THBS3: variants seen among roughly 807,000 people sequenced by gnomAD.
THBS3 encodes the protein thrombospondin 3, also known as thrombospondin-3.
In THBS3, 78 loss-of-function variants were observed where a neutral mutation model predicts 118.3. The ratio of observed to expected loss-of-function variants is 0.66; its 90% CI spans 0.55 to 0.80. The LOEUF (loss-of-function observed/expected upper bound fraction) is 0.80, where lower values mean the gene tolerates loss of function less well. THBS3 is among the 30% of genes least tolerant of loss of function. The pLI is 0.00. For synonymous variants in THBS3, 427 were observed against 475.3 expected, an observed-to-expected ratio of 0.90 and a Z score of 1.32; for missense variants, 1,057 against 1,247.4, an observed-to-expected ratio of 0.85 and a Z score of 2.30.
chr1:155,204,734 A>C (rs1041102311), intron 4 of THBS3, 121 bp downstream of exon 4: 20 of 907,828 alleles, frequency 2.2e-5, no homozygotes, highest in Non-Finnish European at 3.6e-5. Flanking sequence ...CAGGGTTAGA[A>C]ACCCTAGGAA....
At position 155,203,120 on chromosome 1, in the gene THBS3, CAG is replaced by C; in HGVS notation, c.772_773del (p.Leu258AspfsTer15). 1 of 1,614,230 alleles carries C rather than the reference CAG, an allele frequency of 6.2e-7. No homozygotes were observed. The highest frequency in any genetic ancestry group is 8.5e-7 in the Non-Finnish European group (1 of 1,180,044). ...GACACTCCATAATGGTGTTTCGGAT[CAG>C]GGACATTTCCTTCACCTGGAGAAGG... ...DIRDQVKEMSLIRNTIMECQV... is the reference protein window; with the variant it reads ...DIRDQVKEMSXIRNTIMECQV... On this transcript the variant is annotated frameshift_variant, in exon 7 of 23. Coordinates refer to ENST00000368378, the MANE Select transcript of THBS3 (RefSeq NM_007112.5). LOFTEE classifies it high-confidence loss of function.
chr1:155,202,581 A>T lies in THBS3; in HGVS notation c.958-180T>A, dbSNP rs571948542. ...GGTTCCCTCTCTCCCTCCCCATGCC[A>T]CTGGTCACCATCTCAAGCCTCCCCT... On this transcript the variant is annotated intron_variant, in intron 8 of 22. Coordinates refer to ENST00000368378, the MANE Select transcript of THBS3 (RefSeq NM_007112.5). The surrounding 1 kb of genome is among the most constrained non-coding windows in gnomAD (Gnocchi z 5.5). 6.6e-6 allele frequency among the ~76,000 whole-genome samples: 1 copy of T among 151,778 alleles called. No individual in the cohort carries two copies. Among genetic ancestry groups the T allele is most frequent in the East Asian group, 1.9e-4 (1 of 5,144 alleles).
chr1:155,203,536 G>C lies in THBS3; in HGVS notation c.650C>G (p.Thr217Ser). The change falls in exon 5 of 23, where the codon ACC becomes AGC. Residue 217 changes from threonine to serine, a missense_variant. By Grantham distance (58) the Thr-to-Ser change is moderately conservative. Around this residue, in one of 3 missense-constraint regions of THBS3, gnomAD observed 544 missense variants for 715.6 expected, o/e 0.76. Transcript: ENST00000368378. ...QGDESIHSAV[T>S]NALHSILGEQ... is the part of the protein sequence containing the mutation. ...ACCTAGAATGGAGTGCAGTGCATTG[G>C]TCACTGGAGAGGAGAAGAAAACATA... is the stretch of plus-strand genomic sequence containing the variant. 1 of 1,613,822 alleles carries C rather than the reference G, an allele frequency of 6.2e-7. No homozygotes were observed. Among genetic ancestry groups the C allele is most frequent in the Middle Eastern group, 1.7e-4 (1 of 5,914 alleles).
intron 21 of THBS3, chr1:155,196,756 G>T: frequency 2.3e-6 from 1 of 442,662 alleles, no homozygotes; most frequent in South Asian, 3.6e-5. Flanking sequence ...CCAACTAAGG[G>T]ACCAGATGTG....
In THBS3 at chr1:155,202,721, C is replaced by T; in HGVS notation, c.957+91G>A. On this transcript the variant is annotated intron_variant, in intron 8 of 22. Transcript: ENST00000368378. This position sits in a 1 kb window ranked among gnomAD's most constrained non-coding sequence, Gnocchi z 5.5. ...CTCTCCTAAACTCCAGATTCCTCTC[C>T]TCCGGACCAGCATTTATCCCACCCT... 1 of 1,513,426 alleles carries T rather than the reference C, an allele frequency of 6.6e-7. No individual in the cohort carries two copies. Among genetic ancestry groups the T allele is most frequent in the Non-Finnish European group, 8.9e-7 (1 of 1,125,826 alleles). 93.7% of individuals were successfully genotyped at this position (1,513,426 alleles called of 1,614,324 possible).
chr1:155,200,754 C>T, intron 13 of THBS3, 143 bp downstream of exon 13: 1 of 1,567,970 alleles, frequency 6.4e-7, no homozygotes, highest in Non-Finnish European at 8.7e-7. Flanking sequence ...ACCCAGCCTC[C>T]TTGTCCTGGG....
intron 12 of THBS3, 44 bp from the exon 13 acceptor site, chr1:155,201,048 A>G: frequency 6.2e-7 from 1 of 1,614,208 alleles, no homozygotes; most frequent in Non-Finnish European, 8.5e-7. Context: ...GGCCTGACCC[A>G]GCTTGGGCTC....
At chr1:155,201,844 G>T in intron 10 of THBS3, 113 bp downstream of exon 10, 2 of 1,468,684 alleles carry the variant, frequency 1.4e-6, no homozygotes, top group Non-Finnish European at 1.9e-6. Context: ...CCTAATCTGT[G>T]TAGTGCCCTG....
intron 21 of THBS3, chr1:155,196,397 A>C (rs1174196151): frequency 2.0e-6 from 1 of 508,454 alleles, no homozygotes; most frequent in Non-Finnish European, 3.5e-6. Flanking sequence ...CAATAAGCAC[A>C]ATGGGCTGGG....
At chr1:155,203,688 G>A in intron 4 of THBS3, 149 bp from the exon 5 acceptor site, 1 of 1,002,470 alleles carries the variant, frequency 1.0e-6, no homozygotes, top group Non-Finnish European at 1.5e-6. Context: ...GGCAGAGCTG[G>A]CAGACAAGCA....
At chr1:155,201,029 A>G in intron 12 of THBS3, 25 bp from the exon 13 acceptor site, 1 of 1,614,196 alleles carries the variant, frequency 6.2e-7, no homozygotes, top group Non-Finnish European at 8.5e-7. Context: ...AAGAGGATGG[A>G]TGAGTTCTGG....
Position 155,195,701 on chromosome 1 carries a change from C to G in THBS3, c.*140G>C. The G allele has an allele frequency of 1.1e-6, 1 of 901,588 alleles. No homozygotes were observed. The highest frequency in any genetic ancestry group is 1.7e-6 in the Non-Finnish European group (1 of 580,748). 55.8% of individuals were successfully genotyped at this position (901,588 alleles called of 1,614,324 possible). On this transcript the variant is annotated 3_prime_UTR_variant, in exon 23 of 23. Coordinates refer to ENST00000368378, the MANE Select transcript of THBS3 (RefSeq NM_007112.5). ...CCTGAAGGGTGGGGTGACCACCCCT[C>G]TGGGACTGAACTCCTTTTGGGAGCC...
At chr1:155,208,978 G>A (rs764988599), upstream of THBS3, 21 of 1,605,534 alleles carry the variant, frequency 1.3e-5, no homozygotes, top group African/African-American at 1.3e-5. Flanking sequence ...CCACTTGGAC[G>A]AGGCGCCGTG....
At position 155,200,463 on chromosome 1, in the gene THBS3, C is replaced by T. The variant is rs762403494; in HGVS notation, c.1696G>A (p.Val566Met). 19 of 1,613,942 alleles carry T rather than the reference C, an allele frequency of 1.2e-5. No individual in the cohort carries two copies. Among genetic ancestry groups the T allele is most frequent in the Admixed American group, 3.3e-5 (2 of 60,004 alleles). Reference sequence around the variant, plus strand: ...CCCAGGCCTGCACCATCCCCATCCACGTCGTTGTCACAGGCATCTCCTTCC... The same window carrying T: ...CCCAGGCCTGCACCATCCCCATCCATGTCGTTGTCACAGGCATCTCCTTCC... ...NGEGDACDND[V>M]DGDGIPNGLD... Residue 566 changes from valine (V) to methionine (M), a missense_variant, in exon 14 of 23, where the codon GTG becomes ATG. Coordinates refer to ENST00000368378, the MANE Select transcript of THBS3 (RefSeq NM_007112.5).
At position 155,206,798 on chromosome 1, in the gene THBS3, C is replaced by T. The variant is rs960687274; in HGVS notation, c.80-392G>A. On this transcript the variant is annotated intron_variant, in intron 1 of 22. Transcript: ENST00000368378. This position sits in a 1 kb window ranked among gnomAD's most constrained non-coding sequence, Gnocchi z 4.2. The stretch of plus-strand genomic sequence containing the variant: ...TGGAGGTTGCAGTGAGCCGAGATCG[C>T]GCCATTGCACTCCAGCCTGGGCAAC... 3.3e-5 allele frequency among the ~76,000 whole-genome samples: 5 copies of T among 152,028 alleles called. No individual in the cohort carries two copies. The highest frequency in any genetic ancestry group is 1.3e-4 in the Admixed American group (2 of 15,258).
Position 155,201,575 on chromosome 1 carries a change from A to G in THBS3, c.1177-6T>C. On this transcript the variant is annotated splice_region_variant and splice_polypyrimidine_tract_variant and intron_variant, in intron 10 of 22. Transcript: ENST00000368378. ...GGACCACACTTGAAAGAGCCCTAAG[A>G]GTGGAGAGGCAGCATCTTAGGAAGG... The G allele has an allele frequency of 6.2e-7, 1 of 1,613,128 alleles. No homozygotes were observed. The highest frequency in any genetic ancestry group is 8.5e-7 in the Non-Finnish European group (1 of 1,179,556).
Position 155,202,554 on chromosome 1 carries a change from G to C in THBS3, c.958-153C>G. 1 of 1,218,574 alleles carries C rather than the reference G, an allele frequency of 8.2e-7. No homozygotes were observed. Among genetic ancestry groups the C allele is most frequent in the South Asian group, 1.5e-5 (1 of 64,828 alleles). 75.5% of individuals were successfully genotyped at this position (1,218,574 alleles called of 1,614,324 possible). On this transcript the variant is annotated intron_variant, in intron 8 of 22. Coordinates refer to ENST00000368378, the MANE Select transcript of THBS3 (RefSeq NM_007112.5). This position sits in a 1 kb window ranked among gnomAD's most constrained non-coding sequence, Gnocchi z 5.5. ...TCCTGGTCCCCACCCCACTTCCCTC[G>C]GGGTTCCCTCTCTCCCTCCCCATGC...
At position 155,195,985 on chromosome 1, in the gene THBS3, A is replaced by T. The variant is rs1399965189; in HGVS notation, c.2812+2T>A. On this transcript the variant is annotated splice_donor_variant, in intron 22 of 22. Coordinates refer to ENST00000368378, the MANE Select transcript of THBS3 (RefSeq NM_007112.5). LOFTEE classifies it high-confidence loss of function. The stretch of plus-strand genomic sequence containing the variant: ...TAGGTTGATCTCAATCAGCCACCTC[A>T]CCATTGCATCGATACTGGAGATTGG... 3.4e-5 allele frequency: 55 copies of T among 1,614,052 alleles called. No individual in the cohort carries two copies. Among genetic ancestry groups the T allele is most frequent in the Non-Finnish European group, 4.5e-5 (53 of 1,180,038 alleles).
In THBS3 at chr1:155,206,963, A is replaced by G. The variant is rs932259216; in HGVS notation, c.80-557T>C. ...TACCTTCCAGGAACCTGCAGGTTTG[A>G]GACTCACTTGGAAACACAGAAACAG... On this transcript the variant is annotated intron_variant, in intron 1 of 22. Coordinates refer to ENST00000368378, the MANE Select transcript of THBS3 (RefSeq NM_007112.5). The surrounding 1 kb of genome is among the most constrained non-coding windows in gnomAD (Gnocchi z 4.2). Among the ~76,000 whole-genome samples, 7 of 152,122 alleles carry G rather than the reference A, an allele frequency of 4.6e-5. No homozygotes were observed. Among genetic ancestry groups the G allele is most frequent in the Non-Finnish European group, 1.5e-5 (1 of 68,000 alleles).
Sources: gnomAD v4.1 joint callset for allele counts (sites outside exome capture counted in the v4.1 genomes callset) on GRCh38, gnomAD v4.1.1 for gene constraint, gnomAD v4.1.1 regional missense constraint, Gnocchi (gnomAD v3.1) non-coding constraint, MANE v1.5 for transcripts, NCBI Gene and HGNC (gene_info 2026-07-23, HGNC 2026-07-21) for gene names.